Variants in RALGAPA1 observed in about 807,000 individuals in gnomAD.
RALGAPA1 encodes the protein Ral GTPase activating protein catalytic subunit alpha 1.
A neutral mutation model predicts 269.6 loss-of-function variants in RALGAPA1; 52 were observed. That is an observed-to-expected ratio of 0.19 (90% CI 0.15 to 0.24). RALGAPA1 has a LOEUF of 0.24. Among genes scored for constraint, RALGAPA1 ranks in the 10% least tolerant of loss-of-function variants. The pLI is 1.00. For synonymous variants in RALGAPA1, 817 were observed against 1,008.3 expected (o/e 0.81, Z 3.60); for missense variants, 1,917 against 3,013.9 (o/e 0.64, Z 8.52).
intron 37 of RALGAPA1, among the ~76,000 whole-genome samples, chr14:35,589,049 A>C (rs1488789961): frequency 6.6e-6 from 1 of 152,230 alleles, no homozygotes; most frequent in Non-Finnish European, 1.5e-5. Context: ...AATCTAAAAA[A>C]GTTGAATTCA....
In RALGAPA1 at chr14:35,660,803, T is replaced by C. The variant is rs145821101; in HGVS notation, c.5329-1607A>G. On this transcript the variant is annotated intron_variant, in intron 27 of 41. Transcript: ENST00000680220. ...CTCAGCCTTTAAAAAGAAGGAAATC[T>C]TGTCATTTGTGACAATATGAATCAA... Among the ~76,000 whole-genome samples the C allele has an allele frequency of 6.1e-3, 922 of 152,214 alleles. 3 individuals are homozygous for C. Among genetic ancestry groups the C allele is most frequent in the Non-Finnish European group, 0.011 (731 of 67,952 alleles).
chr14:35,790,301 T>A (rs2076065121), intron 1 of RALGAPA1, among the ~76,000 whole-genome samples: 1 of 151,862 alleles, frequency 6.6e-6, no homozygotes, highest in African/African-American at 2.4e-5. Flanking sequence ...GAAGTTAAAC[T>A]GTGGCAGACA....
intron 31 of RALGAPA1, among the ~76,000 whole-genome samples, chr14:35,645,391 A>ATGTG (rs1566909282): frequency 8.8e-6 from 1 of 113,292 alleles, no homozygotes; most frequent in Non-Finnish European, 1.8e-5. Context: ...GTGTGTGTGT[A>ATGTG]TATGTTATGT....
At chr14:35,651,499 C>G (rs1233426289) in intron 31 of RALGAPA1, among the ~76,000 whole-genome samples, 3 of 152,112 alleles carry the variant, frequency 2.0e-5, no homozygotes, top group Non-Finnish European at 4.4e-5. Context: ...ATTAACTCCT[C>G]AGAATTAACA....
chr14:35,652,383 T>TATATATATAC (rs968163110), intron 30 of RALGAPA1, among the ~76,000 whole-genome samples: 6 of 148,790 alleles, frequency 4.0e-5, no homozygotes, highest in Admixed American at 1.3e-4. Context: ...TATATATATA[T>TATATATATAC]ACACACACAC....
chr14:35,753,795 C>T (rs2072942517), intron 7 of RALGAPA1, among the ~76,000 whole-genome samples: 2 of 152,274 alleles, frequency 1.3e-5, no homozygotes, highest in Non-Finnish European at 2.9e-5. Context: ...ACTTAAAACA[C>T]ACTGAACTGT....
chr14:35,693,828 G>A (rs1242569229), intron 17 of RALGAPA1, among the ~76,000 whole-genome samples: 1 of 151,878 alleles, frequency 6.6e-6, no homozygotes, highest in Non-Finnish European at 1.5e-5. Context: ...GCATTAAAAT[G>A]GGTCAATTAT....
intron 10 of RALGAPA1, among the ~76,000 whole-genome samples, chr14:35,743,875 T>C (rs1054706579): frequency 6.6e-6 from 1 of 152,134 alleles, no homozygotes; most frequent in African/African-American, 2.4e-5. Flanking sequence ...TTGTTATTCT[T>C]TTCTTCCAGT....
At chr14:35,700,384 G>A in intron 16 of RALGAPA1, 82 bp from the exon 17 acceptor site, 2 of 1,149,758 alleles carry the variant, frequency 1.7e-6, no homozygotes, top group South Asian at 2.4e-5. Flanking sequence ...AGAAAAAGCA[G>A]CAACAGAGAA....
At chr14:35,605,416 T>C (rs1425161780) in intron 36 of RALGAPA1, among the ~76,000 whole-genome samples, 170 bp downstream of exon 36, 1 of 152,062 alleles carries the variant, frequency 6.6e-6, no homozygotes. Context: ...CCTTTCAAAG[T>C]CCCAACTGCT....
intron 26 of RALGAPA1, among the ~76,000 whole-genome samples, chr14:35,669,262 A>C (rs959535779): frequency 6.6e-6 from 1 of 150,782 alleles, no homozygotes; most frequent in Admixed American, 6.6e-5. Context: ...ATCTTTCTTT[A>C]TTTTTTTTTG....
At chr14:35,674,391 G>C in intron 23 of RALGAPA1, 113 bp from the exon 24 acceptor site, 1 of 1,235,706 alleles carries the variant, frequency 8.1e-7, no homozygotes, top group Non-Finnish European at 1.1e-6. Flanking sequence ...TTACAATTAA[G>C]TGACTTTGCC....
intron 12 of RALGAPA1, among the ~76,000 whole-genome samples, chr14:35,733,758 C>A (rs1450695245): frequency 1.3e-5 from 2 of 151,732 alleles, no homozygotes; most frequent in African/African-American, 4.8e-5. Flanking sequence ...AAACAAAATA[C>A]AAAAGATAAA....
rs756671830 is a variant in RALGAPA1 at position 35,688,959 on chromosome 14, T to G, written c.3452A>C (p.His1151Pro). ...KIATKKRNSV[H>P]VTFRPSTESV... The stretch of plus-strand genomic sequence containing the variant: ...CTCAGTGGATGGCCTAAAAGTAACA[T>G]GAACACTATTTCGTTTTTTAGTAGC... Residue 1151 changes from histidine to proline, a missense_variant, in exon 18 of 42, where the codon CAT becomes CCT. By Grantham distance (77) the His-to-Pro change is moderately conservative. Coordinates refer to ENST00000680220, the MANE Select transcript of RALGAPA1 (RefSeq NM_001346249.2). 4.0e-6 allele frequency: 5 copies of G among 1,238,298 alleles called. No individual in the cohort carries two copies. Among genetic ancestry groups the G allele is most frequent in the Non-Finnish European group, 5.0e-6 (5 of 991,566 alleles). 76.7% of individuals were successfully genotyped at this position (1,238,298 alleles called of 1,614,324 possible).
intron 1 of RALGAPA1, among the ~76,000 whole-genome samples, chr14:35,788,967 G>C (rs770711248): frequency 1.4e-4 from 21 of 152,046 alleles, no homozygotes; most frequent in Non-Finnish European, 2.9e-5. Context: ...ACTGAACACT[G>C]ATTATATGCC....
At chr14:35,734,644 G>A (rs1477017906) in intron 12 of RALGAPA1, among the ~76,000 whole-genome samples, 2 of 152,074 alleles carry the variant, frequency 1.3e-5, no homozygotes, top group Non-Finnish European at 2.9e-5. Flanking sequence ...ATTGGCTTAG[G>A]CAAGGATTTC....
chr14:35,766,899 C>A, intron 4 of RALGAPA1: 1 of 427,942 alleles, frequency 2.3e-6, no homozygotes, highest in South Asian at 1.9e-5. Flanking sequence ...GCAGGACTGT[C>A]AGCAGTGAGT....
intron 16 of RALGAPA1, among the ~76,000 whole-genome samples, chr14:35,701,572 T>C (rs2140638834): frequency 6.6e-6 from 1 of 152,308 alleles, no homozygotes; most frequent in South Asian, 2.1e-4. Context: ...TGTTGCTAAT[T>C]TCCTTGGTCT....
intron 17 of RALGAPA1, among the ~76,000 whole-genome samples, 185 bp from the exon 18 acceptor site, chr14:35,690,188 T>C (rs1426598820): frequency 1.3e-5 from 2 of 152,138 alleles, no homozygotes; most frequent in African/African-American, 2.4e-5. Flanking sequence ...CAATATAGCA[T>C]GTAGTGTCAA....
Sources: gnomAD v4.1 joint callset for allele counts (sites outside exome capture counted in the v4.1 genomes callset) on GRCh38, gnomAD v4.1.1 for gene constraint, MANE v1.5 for transcripts, NCBI Gene and HGNC (gene_info 2026-07-23, HGNC 2026-07-21) for gene names.